Variants in ANO4 observed in about 807,000 individuals in gnomAD.
ANO4 encodes the protein anoctamin 4.
Under a neutral mutation model 141.9 loss-of-function variants are expected in ANO4, and 69 were observed. That is an observed-to-expected ratio of 0.49 (90% confidence interval 0.40 to 0.59). The LOEUF (loss-of-function observed/expected upper bound fraction) is 0.59, where lower values mean the gene tolerates loss of function less well. Among genes scored for constraint, ANO4 ranks in the 20% least tolerant of loss-of-function variants. ANO4 has a pLI of 0.00. For missense variants in ANO4, 894 were observed against 1,162.2 expected (o/e 0.77, Z 3.36); for synonymous variants, 350 against 394.3 (o/e 0.89, Z 1.33).
At chr12:100,865,654 CAA>C (rs982646131) in intron 1 of ANO4, among the ~76,000 whole-genome samples, 1 of 152,092 alleles carries the variant, frequency 6.6e-6, no homozygotes, top group African/African-American at 2.4e-5. Flanking sequence ...AGTCAGGAAA[CAA>C]AATTTGCATT....
chr12:100,956,748 G>T (rs576363188), intron 5 of ANO4, among the ~76,000 whole-genome samples: 20 of 152,248 alleles, frequency 1.3e-4, no homozygotes, highest in African/African-American at 4.8e-4. Flanking sequence ...ACAGGCGTTC[G>T]CTGTTCGCTG....
chr12:100,960,520 CA>C (rs1336278243), intron 5 of ANO4, among the ~76,000 whole-genome samples: 1 of 151,802 alleles, frequency 6.6e-6, no homozygotes, highest in Non-Finnish European at 1.5e-5. Context: ...GGAGGGATGT[CA>C]TAACCCTTCC....
intron 14 of ANO4, among the ~76,000 whole-genome samples, chr12:101,055,131 T>C (rs1273513938): frequency 6.6e-6 from 1 of 152,242 alleles, no homozygotes; most frequent in Non-Finnish European, 1.5e-5. Flanking sequence ...AACTATTGGC[T>C]CTTCTAGTTT....
At position 100,874,063 on chromosome 12, in the gene ANO4, AAG is replaced by A. The variant is rs1327984165; in HGVS notation, c.-140-27582_-140-27581del. Among the ~76,000 whole-genome samples the A allele has an allele frequency of 5.3e-5, 8 of 152,326 alleles. No homozygotes were observed. The East Asian group carries it at 1.5e-3, about 29-fold the overall frequency. ...GCGTTGGTAGCTTCCACATGGTGTT[AAG>A]CCTTCTTGTGCACAGAGGGCAAGAG... is the stretch of plus-strand genomic sequence containing the variant. On this transcript the variant is annotated intron_variant, in intron 1 of 27. Coordinates refer to ENST00000392977, the MANE Select transcript of ANO4 (RefSeq NM_001286615.2).
intron 1 of ANO4, among the ~76,000 whole-genome samples, chr12:100,854,538 A>G (rs1361431215): frequency 6.6e-6 from 1 of 152,014 alleles, no homozygotes; most frequent in Non-Finnish European, 1.5e-5. Flanking sequence ...AATCTTTCAT[A>G]TTTTTTATTT....
intron 1 of ANO4, among the ~76,000 whole-genome samples, chr12:100,844,420 T>C (rs1409236455): frequency 1.3e-5 from 2 of 152,104 alleles, no homozygotes; most frequent in Non-Finnish European, 2.9e-5. Flanking sequence ...TAGGATAATG[T>C]ATTGGAAATA....
chr12:100,853,798 C>T (rs1413950446), intron 1 of ANO4, among the ~76,000 whole-genome samples: 4 of 152,104 alleles, frequency 2.6e-5, no homozygotes, highest in South Asian at 2.1e-4. Context: ...TCCCAAATAA[C>T]GCAAGGATCT....
At chr12:100,826,130 G>A (rs1321714930) in intron 1 of ANO4, among the ~76,000 whole-genome samples, 5 of 151,950 alleles carry the variant, frequency 3.3e-5, no homozygotes, top group Admixed American at 6.6e-5. Flanking sequence ...TATAATGAAC[G>A]TAGATTAGTG....
intron 9 of ANO4, among the ~76,000 whole-genome samples, chr12:101,026,333 A>T (rs1212403023): frequency 6.6e-6 from 1 of 152,226 alleles, no homozygotes; most frequent in East Asian, 1.9e-4. Context: ...AAGATACTTA[A>T]GAATTGTACA....
intron 3 of ANO4, among the ~76,000 whole-genome samples, chr12:100,761,357 G>A (rs1424170074): frequency 6.6e-6 from 1 of 152,146 alleles, no homozygotes; most frequent in East Asian, 1.9e-4. Flanking sequence ...ACAAGGCTCA[G>A]CACATACTCA....
chr12:100,854,939 T>C (rs1336297565), intron 1 of ANO4, among the ~76,000 whole-genome samples: 2 of 152,172 alleles, frequency 1.3e-5, no homozygotes, highest in Non-Finnish European at 2.9e-5. Context: ...TTTTGAGGTC[T>C]GTGGCTTCGT....
At chr12:100,987,691 C>A (rs1393979853) in intron 8 of ANO4, 21 bp downstream of exon 8, 1 of 1,612,074 alleles carries the variant, frequency 6.2e-7, no homozygotes, top group Admixed American at 1.7e-5. Context: ...CATGTTAAAG[C>A]CCCATCTCAC....
intron 17 of ANO4, 127 bp downstream of exon 17, chr12:101,086,951 C>G (rs2049528593): frequency 1.8e-6 from 2 of 1,085,224 alleles, no homozygotes; most frequent in Non-Finnish European, 2.6e-6. Context: ...GATGTCCTGG[C>G]AGCGAAGTGC....
intron 22 of ANO4, among the ~76,000 whole-genome samples, chr12:101,101,607 A>G (rs1407970102): frequency 6.6e-6 from 1 of 151,810 alleles, no homozygotes; most frequent in Non-Finnish European, 1.5e-5. Flanking sequence ...CATGAAATGT[A>G]CTCCTGAGCA....
At chr12:100,844,599 G>A (rs866450883) in intron 1 of ANO4, among the ~76,000 whole-genome samples, 7 of 152,084 alleles carry the variant, frequency 4.6e-5, no homozygotes, top group Admixed American at 4.6e-4. Flanking sequence ...CTGTGGGGTG[G>A]TAAGGTAGAG....
chr12:100,992,611 A>G (rs1017453939), intron 8 of ANO4, among the ~76,000 whole-genome samples: 6 of 152,116 alleles, frequency 3.9e-5, no homozygotes, highest in African/African-American at 9.7e-5. Context: ...CCTAGATAAC[A>G]TTTTTTTAAC....
intron 1 of ANO4, among the ~76,000 whole-genome samples, chr12:100,850,288 T>C (rs2135847430): frequency 6.6e-6 from 1 of 152,298 alleles, no homozygotes; most frequent in East Asian, 1.9e-4. Flanking sequence ...ACTGAAATAA[T>C]TAAAAGAAGG....
At chr12:100,954,067 C>T (rs1382173159) in intron 5 of ANO4, among the ~76,000 whole-genome samples, 1 of 152,206 alleles carries the variant, frequency 6.6e-6, no homozygotes, top group African/African-American at 2.4e-5. Context: ...AACTCTCATT[C>T]TGGGTGCTAC....
intron 11 of ANO4, among the ~76,000 whole-genome samples, chr12:101,040,691 G>A (rs549696572): frequency 7.6e-4 from 116 of 152,160 alleles, no homozygotes; most frequent in African/African-American, 2.7e-3. Context: ...TGCCATGGTG[G>A]TTTGCTGCAC....
Sources: allele counts gnomAD v4.1 joint callset (sites outside exome capture counted in the v4.1 genomes callset), GRCh38; gene constraint gnomAD v4.1.1; transcripts MANE v1.5; gene names NCBI Gene and HGNC (gene_info 2026-07-23, HGNC 2026-07-21).